The following CNTNAP5 variants were observed in gnomAD, a reference collection of about 807,000 sequenced individuals.
The protein encoded by CNTNAP5 is contactin associated protein family member 5, also known as contactin-associated protein-like 5.
Under a neutral mutation model 150.2 loss-of-function variants are expected in CNTNAP5, and 72 were observed. The ratio of observed to expected loss-of-function variants is 0.48; its 90% confidence interval spans 0.40 to 0.58. The LOEUF is 0.58. Among genes scored for constraint, CNTNAP5 ranks in the 20% least tolerant of loss-of-function variants. The pLI, the probability that CNTNAP5 is intolerant of heterozygous loss-of-function variation, is 0.00. For synonymous variants in CNTNAP5, 672 were observed against 619.8 expected (o/e 1.08, Z -1.25); for missense variants, 1,636 against 1,626.2 (o/e 1.01, Z -0.10).
intron 19 of CNTNAP5, among the ~76,000 whole-genome samples, chr2:124,854,767 C>T (rs962812209): frequency 6.6e-6 from 1 of 152,076 alleles, no homozygotes; most frequent in Non-Finnish European, 1.5e-5. Context: ...AGCTTAGATT[C>T]AAGAGGATGA....
At chr2:124,223,870 A>T (rs7560777) in intron 2 of CNTNAP5, among the ~76,000 whole-genome samples, 76,404 of 150,018 alleles carry the variant, frequency 0.51, 19,585 homozygotes, top group East Asian at 0.64. Flanking sequence ...AGACATAGTG[A>T]TACAGTTGGG....
intron 3 of CNTNAP5, among the ~76,000 whole-genome samples, chr2:124,385,334 G>A (rs928511199): frequency 6.6e-6 from 1 of 152,106 alleles, no homozygotes; most frequent in Non-Finnish European, 1.5e-5. Context: ...CATCCACCCT[G>A]CTAAGAATTT....
chr2:124,040,814 A>AAT (rs1363985205), intron 1 of CNTNAP5, among the ~76,000 whole-genome samples: 4 of 152,168 alleles, frequency 2.6e-5, no homozygotes, highest in Non-Finnish European at 1.5e-5. Context: ...ACTGGGTCAC[A>AAT]ATATATATAC....
At chr2:124,591,349 G>A (rs56391778) in intron 11 of CNTNAP5, among the ~76,000 whole-genome samples, 48,560 of 152,030 alleles carry the variant, frequency 0.32, 9,217 homozygotes, top group East Asian at 0.67. Flanking sequence ...TACAGTGGAT[G>A]GTAATCTCTG....
chr2:124,265,968 C>T (rs1225583481), intron 3 of CNTNAP5, among the ~76,000 whole-genome samples: 2 of 152,168 alleles, frequency 1.3e-5, no homozygotes, highest in Non-Finnish European at 2.9e-5. Context: ...TCTCTCAGCT[C>T]GCACTACATA....
chr2:124,722,585 C>T (rs918619894), intron 13 of CNTNAP5, among the ~76,000 whole-genome samples: 6 of 152,094 alleles, frequency 3.9e-5, no homozygotes, highest in African/African-American at 1.4e-4. Context: ...GGTATGGTGG[C>T]CTTATATTCA....
rs116155793 is a variant in CNTNAP5, at chr2:124,625,346, T to G, written c.1876+15426T>G. 2.6e-3 allele frequency among the ~76,000 whole-genome samples: 403 copies of G among 152,326 alleles called. 1 individual carries two copies. The highest frequency in any genetic ancestry group is 9.1e-3 in the African/African-American group (377 of 41,564). On this transcript the variant is annotated intron_variant, in intron 12 of 23. Transcript: ENST00000682447. ...AAGCAGAGGTTCACAAAGCTTAGTT[T>G]TCTAAAGCATGAGCTGGGATGAACA...
intron 12 of CNTNAP5, among the ~76,000 whole-genome samples, chr2:124,631,654 A>T (rs1158104590): frequency 6.6e-6 from 1 of 152,216 alleles, no homozygotes; most frequent in Admixed American, 6.5e-5. Flanking sequence ...TTCAGGACAT[A>T]GGCAAGGGGA....
chr2:124,176,842 GTT>G (rs71394026), intron 1 of CNTNAP5, among the ~76,000 whole-genome samples: 193 of 119,858 alleles, frequency 1.6e-3, no homozygotes, highest in Middle Eastern at 5.0e-3. Context: ...GTTATTGCTG[GTT>G]TTTTTTTTTT....
At chr2:124,706,793 A>AGAAGAAGAAGAAGAG (rs1679655979) in intron 13 of CNTNAP5, among the ~76,000 whole-genome samples, 1 of 24,194 alleles carries the variant, frequency 4.1e-5, no homozygotes, top group African/African-American at 1.6e-4. Flanking sequence ...AAGAAGAAGA[A>AGAAGAAGAAGAAGAG]GAAGGAGGAG....
chr2:124,267,630 C>G (rs562480875), intron 3 of CNTNAP5, among the ~76,000 whole-genome samples: 309 of 152,184 alleles, frequency 2.0e-3, no homozygotes, highest in African/African-American at 6.9e-3. Context: ...CATTTTGATA[C>G]AAAAATGTAT....
At chr2:124,826,931 T>C (rs905621831) in intron 19 of CNTNAP5, among the ~76,000 whole-genome samples, 1 of 152,096 alleles carries the variant, frequency 6.6e-6, no homozygotes, top group African/African-American at 2.4e-5. Context: ...TTCTTTCTTT[T>C]TTTTCTTGAG....
At chr2:124,386,231 C>T (rs1690923927) in intron 3 of CNTNAP5, among the ~76,000 whole-genome samples, 1 of 152,132 alleles carries the variant, frequency 6.6e-6, no homozygotes, top group African/African-American at 2.4e-5. Context: ...ATTTCTTTTC[C>T]ATTGTGTGAA....
intron 14 of CNTNAP5, among the ~76,000 whole-genome samples, chr2:124,758,655 A>G (rs1451961636): frequency 6.6e-6 from 1 of 152,100 alleles, no homozygotes; most frequent in Non-Finnish European, 1.5e-5. Flanking sequence ...AATGCAGGCA[A>G]TTATCTGAAG....
Position 124,915,106 on chromosome 2 carries a change from G to C in CNTNAP5, c.*818G>C, listed in dbSNP as rs1354011260. ...TCCAATTTTGTAAGAATGCTAGCTAGGTATTCCTGGGATTATTATACTGAG... is the reference window on the plus strand; with the variant it reads ...TCCAATTTTGTAAGAATGCTAGCTACGTATTCCTGGGATTATTATACTGAG... On this transcript the variant is annotated 3_prime_UTR_variant, in exon 24 of 24. Coordinates refer to ENST00000682447, the MANE Select transcript of CNTNAP5 (RefSeq NM_001367498.1). The C allele has an allele frequency of 6.1e-6, 1 of 163,464 alleles. No homozygotes were observed. The highest frequency in any genetic ancestry group is 1.5e-5 in the Non-Finnish European group (1 of 67,874). The allele number at this position is 163,464 out of a possible 1,614,324, so 10.1% of individuals were successfully genotyped here. A position where few individuals can be genotyped will look rare whatever the true frequency, so the allele number is the denominator to read the frequency against.
intron 3 of CNTNAP5, among the ~76,000 whole-genome samples, chr2:124,305,108 A>T (rs1430646259): frequency 8.3e-6 from 1 of 120,796 alleles, no homozygotes; most frequent in Non-Finnish European, 1.8e-5. Flanking sequence ...TGTACAAAAA[A>T]TACAAAAAAA....
chr2:124,674,546 T>TCTTTCTTTTTTTCTTCCTTTCTTC (rs755126208), intron 13 of CNTNAP5, among the ~76,000 whole-genome samples: 1 of 130,224 alleles, frequency 7.7e-6, no homozygotes, highest in African/African-American at 3.0e-5. Context: ...TTTCTTTCTT[T>TCTTTCTTTTTTTCTTCCTTTCTTC]CTTTCTTCCT....
chr2:124,698,574 T>C (rs1011295463), intron 13 of CNTNAP5, among the ~76,000 whole-genome samples: 1 of 152,132 alleles, frequency 6.6e-6, no homozygotes, highest in Non-Finnish European at 1.5e-5. Context: ...TTGGTGATGA[T>C]TGGGTCATTC....
intron 21 of CNTNAP5, among the ~76,000 whole-genome samples, chr2:124,881,532 C>T (rs530984000): frequency 6.6e-6 from 1 of 152,160 alleles, no homozygotes; most frequent in South Asian, 2.1e-4. Context: ...TACCCTCTTC[C>T]TTTGAGCCAG....
Sources: gnomAD v4.1 joint callset for allele counts (sites outside exome capture counted in the v4.1 genomes callset) on GRCh38, gnomAD v4.1.1 for gene constraint, MANE v1.5 for transcripts, NCBI Gene and HGNC (gene_info 2026-07-23, HGNC 2026-07-21) for gene names.